The following NRG1 variants were observed in gnomAD, a reference collection of about 807,000 sequenced individuals.
NRG1 encodes the protein pro-neuregulin-1, membrane-bound isoform.
In NRG1, 18 loss-of-function variants were observed where a neutral mutation model predicts 63.8. The ratio of observed to expected loss-of-function variants is 0.28; its 90% confidence interval spans 0.19 to 0.42. The LOEUF (loss-of-function observed/expected upper bound fraction) is 0.42, where lower values mean the gene tolerates loss of function less well. NRG1 is among the 10% of genes least tolerant of loss of function. NRG1 has a pLI of 1.00. For synonymous variants in NRG1, 302 were observed against 301.3 expected (o/e 1.00, Z -0.02); for missense variants, 762 against 814.7 (o/e 0.94, Z 0.79).
chr8:32,760,150 A>G (rs763377547), intron 10 of NRG1, 50 bp from the exon 11 acceptor site: 15 of 1,601,056 alleles, frequency 9.4e-6, no homozygotes, highest in Admixed American at 3.4e-5. Context: ...ATTTTTTTGC[A>G]TATAATTTTT....
intron 1 of NRG1, among the ~76,000 whole-genome samples, chr8:32,176,749 A>C (rs1239480661): frequency 1.3e-5 from 2 of 152,226 alleles, no homozygotes; most frequent in Non-Finnish European, 2.9e-5. Flanking sequence ...ACTGGCCATC[A>C]GAGAAATGCA....
At chr8:32,172,233 C>T (rs550092885) in intron 1 of NRG1, among the ~76,000 whole-genome samples, 15 of 152,224 alleles carry the variant, frequency 9.9e-5, no homozygotes, top group Non-Finnish European at 2.1e-4. Context: ...CCCAGGCAAA[C>T]AGGGTCTGGA....
At chr8:32,334,097 G>T (rs943258507) in intron 1 of NRG1, among the ~76,000 whole-genome samples, 1 of 152,138 alleles carries the variant, frequency 6.6e-6, no homozygotes, top group African/African-American at 2.4e-5. Context: ...TACATGACAG[G>T]TACTTACATC....
intron 1 of NRG1, among the ~76,000 whole-genome samples, chr8:31,959,579 G>A (rs974280431): frequency 2.0e-5 from 3 of 151,884 alleles, no homozygotes; most frequent in South Asian, 2.1e-4. Flanking sequence ...AAAGAACACC[G>A]GGTACTATCC....
At chr8:32,676,421 T>C (rs964927138) in intron 5 of NRG1, among the ~76,000 whole-genome samples, 2 of 152,196 alleles carry the variant, frequency 1.3e-5, no homozygotes, top group African/African-American at 4.8e-5. Flanking sequence ...GTTGTCTTTC[T>C]CATAATTATG....
rs190464748 is a variant in NRG1, at chr8:32,650,848, A to G, written c.502+33963A>G. Among the ~76,000 whole-genome samples, 6 of 152,032 alleles carry G rather than the reference A, an allele frequency of 3.9e-5. No homozygotes were observed. The East Asian group carries it at 1.2e-3, about 29-fold the overall frequency. ...AAACATGCTCTTCAGTGGTTTTAGG[A>G]CTTTATTCTCCCGTTTCCATTTTTT... On this transcript the variant is annotated intron_variant, in intron 5 of 11. Transcript: ENST00000356819.
chr8:31,643,481 T>C (rs1438427833), intron 1 of NRG1, among the ~76,000 whole-genome samples: 1 of 152,194 alleles, frequency 6.6e-6, no homozygotes, highest in East Asian at 1.9e-4. Context: ...TTCCCCCTCA[T>C]CTAATATAAA....
chr8:32,647,556 C>T lies in NRG1; in HGVS notation c.502+30671C>T, dbSNP rs1490620058. The T allele has an allele frequency of 3.0e-6, 3 of 985,268 alleles. No homozygotes were observed. The African/African-American group carries it at 5.2e-5, about 17-fold the overall frequency. The allele number at this position is 985,268 out of a possible 1,614,324, so 61.0% of individuals were successfully genotyped here. ...TTTGTAGTTGCTAGGAGCTTTTCTT[C>T]CCCCCTTGCATCTTTCTGAACTCTT... On this transcript the variant is annotated intron_variant, in intron 5 of 11. Transcript: ENST00000356819.
chr8:32,050,244 A>G (rs1316671664), intron 1 of NRG1, among the ~76,000 whole-genome samples: 3 of 152,174 alleles, frequency 2.0e-5, no homozygotes, highest in Admixed American at 6.5e-5. Context: ...TAAACAAACA[A>G]AATATATTTT....
chr8:32,418,490 T>C (rs1453752591), intron 1 of NRG1, among the ~76,000 whole-genome samples: 1 of 152,172 alleles, frequency 6.6e-6, no homozygotes, highest in East Asian at 1.9e-4. Context: ...ACATTAAGTC[T>C]TTGAAATTTA....
chr8:32,257,555 C>G (rs1457498582), intron 1 of NRG1, among the ~76,000 whole-genome samples: 1 of 131,938 alleles, frequency 7.6e-6, no homozygotes, highest in African/African-American at 2.6e-5. Context: ...GTGTTAGTAG[C>G]TGACGATTTT....
At chr8:31,994,368 C>T (rs1337924766) in intron 1 of NRG1, among the ~76,000 whole-genome samples, 3 of 151,762 alleles carry the variant, frequency 2.0e-5, no homozygotes, top group African/African-American at 7.3e-5. Flanking sequence ...AAGAAGTCTC[C>T]TAGGCTGGGT....
chr8:31,683,555 T>C (rs1232973612), intron 1 of NRG1, among the ~76,000 whole-genome samples: 1 of 152,086 alleles, frequency 6.6e-6, no homozygotes. Flanking sequence ...GAAGCGTGAG[T>C]AGGCAGAGCA....
At chr8:32,466,924 G>A (rs898988685) in intron 1 of NRG1, among the ~76,000 whole-genome samples, 1 of 151,938 alleles carries the variant, frequency 6.6e-6, no homozygotes, top group Non-Finnish European at 1.5e-5. Context: ...TATTGTGGCA[G>A]TAATAATATT....
intron 1 of NRG1, among the ~76,000 whole-genome samples, chr8:31,944,227 T>C (rs559050686): frequency 6.6e-6 from 1 of 152,218 alleles, no homozygotes; most frequent in Non-Finnish European, 1.5e-5. Flanking sequence ...TCTAACCCTT[T>C]CATTTTCAAA....
intron 1 of NRG1, among the ~76,000 whole-genome samples, chr8:32,457,496 G>C (rs1298517520): frequency 6.6e-6 from 1 of 152,150 alleles, no homozygotes; most frequent in African/African-American, 2.4e-5. Context: ...AACTAGAAAA[G>C]AGAACTCCCT....
intron 1 of NRG1, among the ~76,000 whole-genome samples, chr8:32,316,109 C>G (rs1013613238): frequency 6.6e-5 from 10 of 152,154 alleles, no homozygotes; most frequent in African/African-American, 2.2e-4. Flanking sequence ...TTTGTCTTGA[C>G]TATTCAGGAT....
At chr8:31,794,673 T>A (rs545986014) in intron 1 of NRG1, among the ~76,000 whole-genome samples, 2 of 148,478 alleles carry the variant, frequency 1.3e-5, no homozygotes, top group Admixed American at 1.3e-4. Context: ...TTATAATAAT[T>A]ATTATTATTG....
intron 1 of NRG1, among the ~76,000 whole-genome samples, chr8:32,290,432 A>C (rs1854057192): frequency 1.3e-5 from 2 of 152,110 alleles, no homozygotes; most frequent in South Asian, 4.1e-4. Context: ...ATGGTTACCC[A>C]TGAAGGAATC....
Sources: gnomAD v4.1 joint callset for allele counts (sites outside exome capture counted in the v4.1 genomes callset) on GRCh38, gnomAD v4.1.1 for gene constraint, MANE v1.5 for transcripts, NCBI Gene and HGNC (gene_info 2026-07-23, HGNC 2026-07-21) for gene names.